Variants in RC3H1 observed in about 807,000 individuals in gnomAD.
RC3H1 encodes the protein ring finger and CCCH-type domains 1.
Under a neutral mutation model 138.2 loss-of-function variants are expected in RC3H1, and 50 were observed. That is an observed-to-expected ratio of 0.36 (90% CI 0.29 to 0.46). The LOEUF (loss-of-function observed/expected upper bound fraction) is 0.46. RC3H1 is among the 20% of genes least tolerant of loss of function. The pLI is 1.00. For synonymous variants in RC3H1, 462 were observed against 489.1 expected (o/e 0.94, Z 0.73); for missense variants, 1,031 against 1,388.1 (o/e 0.74, Z 4.09).
chr1:173,966,003 G>A (rs76160630), intron 9 of RC3H1, among the ~76,000 whole-genome samples: 4,987 of 152,180 alleles, frequency 0.033, 98 homozygotes, highest in Middle Eastern at 0.095. Flanking sequence ...TTAACCGGGT[G>A]TGGTGGTGCA....
Position 173,992,817 on chromosome 1 carries a change from T to C in RC3H1, c.169A>G (p.Ile57Val). ...GGGAGGAGCTCAATGTCTGTATTGA[T>C]AGTGGTCTGGTCAAATGGGCAAGCC... ...RKACPFDQTTINTDIELLPVN... is the reference protein window; with the variant it reads ...RKACPFDQTTVNTDIELLPVN... The change falls in exon 2 of 20, where the codon ATC becomes GTC. Residue 57 changes from isoleucine to valine, a missense_variant. By Grantham distance (29) the Ile-to-Val change is conservative (BLOSUM62 3). Coordinates refer to ENST00000367696, the MANE Select transcript of RC3H1 (RefSeq NM_172071.4). 1.2e-6 allele frequency: 2 copies of C among 1,614,154 alleles called. No individual in the cohort carries two copies. The highest frequency in any genetic ancestry group is 1.6e-4 in the Middle Eastern group (1 of 6,062).
At position 173,935,509 on chromosome 1, in the gene RC3H1, T is replaced by C. The variant is rs1025497899; in HGVS notation, c.*3212A>G. 7 of 152,066 alleles carry C rather than the reference T, an allele frequency of 4.6e-5. No individual in the cohort carries two copies. The highest frequency in any genetic ancestry group is 4.6e-4 in the Admixed American group (7 of 15,264). The allele number at this position is 152,066 out of a possible 1,614,324, so 9.4% of individuals were successfully genotyped here. A position where few individuals can be genotyped will look rare whatever the true frequency, so the allele number is the denominator to read the frequency against. On this transcript the variant is annotated 3_prime_UTR_variant, in exon 20 of 20. Transcript: ENST00000367696. The stretch of plus-strand genomic sequence containing the variant: ...AAATAAAGTAATATTTAGAAGAAAC[T>C]AATATTTTAGTAAGTAGAAAACATA...
chr1:173,950,710 A>T (rs1659357612), intron 14 of RC3H1, among the ~76,000 whole-genome samples: 1 of 152,062 alleles, frequency 6.6e-6, no homozygotes, highest in Non-Finnish European at 1.5e-5. Context: ...ACTTCTTGAA[A>T]ATTTTATTTC....
chr1:173,979,539 C>T (rs1660719160), intron 6 of RC3H1, among the ~76,000 whole-genome samples: 2 of 152,042 alleles, frequency 1.3e-5, no homozygotes, highest in Non-Finnish European at 1.5e-5. Context: ...GCCTGTAATC[C>T]CAGCTACTTG....
intron 12 of RC3H1, 76 bp downstream of exon 12, chr1:173,961,649 C>T: frequency 7.6e-7 from 1 of 1,324,352 alleles, no homozygotes; most frequent in Non-Finnish European, 1.0e-6. Flanking sequence ...GGGTTATTGT[C>T]ATTGCATAAA....
chr1:173,999,378 CA>C (rs11299661), intron 1 of RC3H1, among the ~76,000 whole-genome samples: 29,180 of 110,196 alleles, frequency 0.26, 3,237 homozygotes, highest in Admixed American at 0.29. Flanking sequence ...AAAACTCCAC[CA>C]AAAAAAAAAA....
In RC3H1 at chr1:173,962,080, G is replaced by A. The variant is rs763677175; in HGVS notation, c.1847C>T (p.Pro616Leu). ...APYQQGMYYT[P>L]PPQCVSRFVR... ...AAAGCGGGACACACATTGTGGTGGT[G>A]GAGTATAATACATACCTGCACAATA... The change falls in exon 12 of 20, where the codon CCA (proline) becomes CTA (leucine). Residue 616 changes from proline to leucine, a missense_variant. By Grantham distance (98) the Pro-to-Leu change is moderately conservative. Coordinates refer to ENST00000367696, the MANE Select transcript of RC3H1 (RefSeq NM_172071.4). The A allele has an allele frequency of 2.5e-5, 41 of 1,613,020 alleles. No homozygotes were observed. The highest frequency in any genetic ancestry group is 3.5e-5 in the Non-Finnish European group (41 of 1,179,684).
At position 173,931,806 on chromosome 1, in the gene RC3H1, A is replaced by G. The variant is rs963290207; in HGVS notation, c.*6915T>C. 6.6e-6 allele frequency: 1 copy of G among 152,068 alleles called. No individual in the cohort carries two copies. 9.4% of individuals were successfully genotyped at this position (152,068 alleles called of 1,614,324 possible). A position where few individuals can be genotyped will look rare whatever the true frequency, so the allele number is the denominator to read the frequency against. On this transcript the variant is annotated 3_prime_UTR_variant, in exon 20 of 20. Transcript: ENST00000367696. ...CCATTTGTCTTCACCATTCCAACCTATTTGTCTTCACTTCTCTTTTTAAAG... is the reference window on the plus strand; with the variant it reads ...CCATTTGTCTTCACCATTCCAACCTGTTTGTCTTCACTTCTCTTTTTAAAG...
intron 7 of RC3H1, among the ~76,000 whole-genome samples, chr1:173,973,711 G>A (rs1026705362): frequency 2.6e-5 from 4 of 152,104 alleles, no homozygotes; most frequent in African/African-American, 9.7e-5. Context: ...CAAGAAGAGA[G>A]ATGTAGAGAT....
intron 5 of RC3H1, 112 bp from the exon 6 acceptor site, chr1:173,981,121 A>T (rs1660796212): frequency 1.2e-6 from 1 of 846,612 alleles, no homozygotes; most frequent in African/African-American, 1.7e-5. Context: ...GATTAAATGA[A>T]TATACCATTT....
In RC3H1 at chr1:173,964,895, C is replaced by T. The variant is rs1420457281; in HGVS notation, c.1560G>A (p.Leu520=). The T allele has an allele frequency of 6.2e-7, 1 of 1,614,140 alleles. No individual in the cohort carries two copies. The highest frequency in any genetic ancestry group is 8.5e-7 in the Non-Finnish European group (1 of 1,180,016). ...TCAGATGATCTATTTTTCCTGGTTT[C>T]AGACTAGAATCATAGCTGGGGTCTG... is the stretch of plus-strand genomic sequence containing the variant. ...RGTDPSYDSS[L]KPGKIDHLSS... The change falls in exon 10 of 20, where the codon CTG becomes CTA. Residue 520 remains leucine (L), a synonymous_variant. Coordinates refer to ENST00000367696, the MANE Select transcript of RC3H1 (RefSeq NM_172071.4).
chr1:173,938,403 C>T lies in RC3H1; in HGVS notation c.*318G>A, dbSNP rs1658688973. The T allele has an allele frequency of 5.8e-6, 1 of 172,572 alleles. No homozygotes were observed. Among genetic ancestry groups the T allele is most frequent in the South Asian group, 1.9e-4 (1 of 5,314 alleles). The allele number at this position is 172,572 out of a possible 1,614,324, so 10.7% of individuals were successfully genotyped here. A position where few individuals can be genotyped will look rare whatever the true frequency, so the allele number is the denominator to read the frequency against. On this transcript the variant is annotated 3_prime_UTR_variant, in exon 20 of 20. Coordinates refer to ENST00000367696, the MANE Select transcript of RC3H1 (RefSeq NM_172071.4). ...ATCAAACAGAGTGTATATATAATATCTTTTTTTTTTAAAGCCCTGGATCCA... is the reference window on the plus strand; with the variant it reads ...ATCAAACAGAGTGTATATATAATATTTTTTTTTTTTAAAGCCCTGGATCCA...
chr1:173,946,926 T>C (rs1320193235), intron 15 of RC3H1, 90 bp from the exon 16 acceptor site: 2 of 855,010 alleles, frequency 2.3e-6, no homozygotes, highest in East Asian at 2.5e-5. Flanking sequence ...GCGTATTGCA[T>C]ACACAGGTAT....
In RC3H1 at chr1:173,942,208, C is replaced by T. The variant is rs1435185605; in HGVS notation, c.3136-828G>A. On this transcript the variant is annotated intron_variant, in intron 18 of 19. Coordinates refer to ENST00000367696, the MANE Select transcript of RC3H1 (RefSeq NM_172071.4). ...AGCGAGCTGAGATCGTGCCACTGCA[C>T]ACCAGCCTGGGCAATAGTGCGAGAC... Among the ~76,000 whole-genome samples the T allele has an allele frequency of 2.7e-5, 4 of 148,930 alleles. No homozygotes were observed. In the East Asian group the frequency reaches 7.9e-4, roughly 29 times the overall value.
In RC3H1 at chr1:173,938,578, T is replaced by G. The variant is rs1658695498; in HGVS notation, c.*143A>C. ...GTGCAGGGTTTGTTTTTAGTAGTGG[T>G]GTTTGTGCACATTGCCTCTGGTGAA... is the stretch of plus-strand genomic sequence containing the variant. On this transcript the variant is annotated 3_prime_UTR_variant, in exon 20 of 20. Coordinates refer to ENST00000367696, the MANE Select transcript of RC3H1 (RefSeq NM_172071.4). 1 of 535,644 alleles carries G rather than the reference T, an allele frequency of 1.9e-6. No homozygotes were observed. Among genetic ancestry groups the G allele is most frequent in the Non-Finnish European group, 3.3e-6 (1 of 305,844 alleles). 33.2% of individuals were successfully genotyped at this position (535,644 alleles called of 1,614,324 possible). A position where few individuals can be genotyped will look rare whatever the true frequency, so the allele number is the denominator to read the frequency against.
chr1:173,996,619 C>T (rs1661466232), intron 1 of RC3H1, among the ~76,000 whole-genome samples: 1 of 152,184 alleles, frequency 6.6e-6, no homozygotes, highest in Admixed American at 6.5e-5. Flanking sequence ...CGTTACCATG[C>T]TAAAGTCTCC....
rs183749548 is a variant in RC3H1 at position 173,996,003 on chromosome 1, C to T, written c.-150-2868G>A. Among the ~76,000 whole-genome samples, 9 of 152,298 alleles carry T rather than the reference C, an allele frequency of 5.9e-5. No individual in the cohort carries two copies. The East Asian group carries it at 1.3e-3, about 23-fold the overall frequency. On this transcript the variant is annotated intron_variant, in intron 1 of 19. Coordinates refer to ENST00000367696, the MANE Select transcript of RC3H1 (RefSeq NM_172071.4). Reference sequence around the variant, plus strand: ...GTGTGGCGGCTCACGCCTGTAATCCCAGCACTTTGGGAGGTCGAGTTGGGC... The same window carrying T: ...GTGTGGCGGCTCACGCCTGTAATCCTAGCACTTTGGGAGGTCGAGTTGGGC...
chr1:173,989,880 C>T (rs1206621013), intron 2 of RC3H1, among the ~76,000 whole-genome samples: 1 of 150,152 alleles, frequency 6.7e-6, no homozygotes, highest in Non-Finnish European at 1.5e-5. Flanking sequence ...GCGCCCGCCA[C>T]CGCGCCCGGC....
chr1:173,991,658 T>C (rs552325407), intron 2 of RC3H1, among the ~76,000 whole-genome samples: 2 of 152,348 alleles, frequency 1.3e-5, no homozygotes, highest in East Asian at 3.9e-4. Context: ...TTCAGTGCTT[T>C]TATTATGAAA....
Sources: allele counts gnomAD v4.1 joint callset (sites outside exome capture counted in the v4.1 genomes callset), GRCh38; gene constraint gnomAD v4.1.1; transcripts MANE v1.5; gene names NCBI Gene and HGNC (gene_info 2026-07-23, HGNC 2026-07-21).